SLC24A2: variants seen among roughly 807,000 people sequenced by gnomAD.
SLC24A2 encodes solute carrier family 24 member 2.
A neutral mutation model predicts 62.0 loss-of-function variants in SLC24A2; 36 were observed. The ratio of observed to expected loss-of-function variants is 0.58; its 90% CI spans 0.44 to 0.77. The LOEUF (loss-of-function observed/expected upper bound fraction) is 0.77. Ranked by LOEUF, SLC24A2 falls within the 30% of genes least tolerant of loss-of-function variation. SLC24A2 has a pLI of 0.00. For missense variants in SLC24A2, 846 were observed against 817.9 expected (o/e 1.03, Z -0.42); for synonymous variants, 358 against 294.0 (o/e 1.22, Z -2.23).
chr9:19,908,314 C>T, the SLC24A2 span, among the ~76,000 whole-genome samples: 1 of 152,138 alleles, frequency 6.6e-6, no homozygotes, highest in African/African-American at 2.4e-5. Flanking sequence ...CCCTTCCTTA[C>T]ACCTTATACA....
chr9:20,205,663 AAAAAAAAAAAACAAAC>A, the SLC24A2 span, among the ~76,000 whole-genome samples: 2 of 151,140 alleles, frequency 1.3e-5, no homozygotes, highest in African/African-American at 4.9e-5. Flanking sequence ...AAAAAAAAAA[AAAAAAAAAAAACAAAC>A]AAAAAAACGT....
At chr9:20,142,261 C>T in the SLC24A2 span, among the ~76,000 whole-genome samples, 7 of 152,114 alleles carry the variant, frequency 4.6e-5, no homozygotes, top group Admixed American at 4.6e-4. Context: ...TAGTAACACC[C>T]ATGAAGTACT....
At chr9:19,898,976 C>T in the SLC24A2 span, among the ~76,000 whole-genome samples, 1 of 152,144 alleles carries the variant, frequency 6.6e-6, no homozygotes, top group Non-Finnish European at 1.5e-5. Flanking sequence ...TCTGTCCTAG[C>T]AGCAAGCCTG....
the SLC24A2 span, among the ~76,000 whole-genome samples, chr9:20,236,962 G>C: frequency 2.0e-5 from 3 of 151,836 alleles, no homozygotes; most frequent in East Asian, 5.8e-4. Context: ...ATCAATGAAG[G>C]ATGGAGGGGG....
chr9:19,982,932 G>A, the SLC24A2 span, among the ~76,000 whole-genome samples: 6 of 152,120 alleles, frequency 3.9e-5, no homozygotes, highest in Admixed American at 2.6e-4. Flanking sequence ...ACTTCATGAT[G>A]TGGAAAAAAG....
chr9:20,135,711 C>T, the SLC24A2 span, among the ~76,000 whole-genome samples: 1 of 151,930 alleles, frequency 6.6e-6, no homozygotes, highest in Non-Finnish European at 1.5e-5. Flanking sequence ...ATTATGTGCT[C>T]GAACTAGTTT....
intron 2 of SLC24A2, among the ~76,000 whole-genome samples, chr9:19,778,708 T>C (rs1822918632): frequency 6.6e-6 from 1 of 152,128 alleles, no homozygotes; most frequent in Non-Finnish European, 1.5e-5. Flanking sequence ...AGAGCAATCC[T>C]CTCTGGAGGA....
the SLC24A2 span, among the ~76,000 whole-genome samples, chr9:19,973,898 A>G: frequency 6.6e-6 from 1 of 152,210 alleles, no homozygotes; most frequent in African/African-American, 2.4e-5. Flanking sequence ...TTGACTAGCT[A>G]AATGTTTGCA....
At chr9:19,812,479 A>G in the SLC24A2 span, among the ~76,000 whole-genome samples, 3 of 152,082 alleles carry the variant, frequency 2.0e-5, no homozygotes, top group Non-Finnish European at 2.9e-5. Context: ...TCTTACTTTC[A>G]GGTATTATGT....
chr9:19,982,308 G>A, the SLC24A2 span, among the ~76,000 whole-genome samples: 1 of 152,134 alleles, frequency 6.6e-6, no homozygotes, highest in Non-Finnish European at 1.5e-5. Flanking sequence ...GTTTGTTGGC[G>A]GAGGAGAAAT....
chr9:19,903,902 C>A, the SLC24A2 span, among the ~76,000 whole-genome samples: 1 of 152,124 alleles, frequency 6.6e-6, no homozygotes, highest in Non-Finnish European at 1.5e-5. Context: ...AGTAGGTGCA[C>A]AGAATGCCAG....
At chr9:20,283,457 C>A in the SLC24A2 span, among the ~76,000 whole-genome samples, 1 of 152,146 alleles carries the variant, frequency 6.6e-6, no homozygotes, top group Non-Finnish European at 1.5e-5. Flanking sequence ...CGGGCCTCTG[C>A]AGATTCCAGA....
At chr9:20,100,007 C>T in the SLC24A2 span, among the ~76,000 whole-genome samples, 1 of 151,766 alleles carries the variant, frequency 6.6e-6, no homozygotes, top group East Asian at 1.9e-4. Flanking sequence ...ATATCCTTTT[C>T]TTCTCCTATT....
the SLC24A2 span, among the ~76,000 whole-genome samples, chr9:20,107,820 G>T: frequency 6.6e-6 from 1 of 152,048 alleles, no homozygotes; most frequent in Non-Finnish European, 1.5e-5. Flanking sequence ...AAAAGCAATG[G>T]CAACAAAAGC....
At chr9:19,567,677 T>G (rs1160478094) in intron 7 of SLC24A2, among the ~76,000 whole-genome samples, 1 of 135,978 alleles carries the variant, frequency 7.4e-6, no homozygotes, top group Non-Finnish European at 1.5e-5. Context: ...TGCTAGTAAA[T>G]TTTTAAAATA....
chr9:19,769,129 A>AAT (rs2118884942), intron 2 of SLC24A2, among the ~76,000 whole-genome samples: 1 of 152,112 alleles, frequency 6.6e-6, no homozygotes, highest in South Asian at 2.1e-4. Context: ...TCTACTTGAA[A>AAT]CCCACTCCTC....
chr9:19,647,678 C>T (rs1818683835), intron 2 of SLC24A2, among the ~76,000 whole-genome samples: 1 of 152,144 alleles, frequency 6.6e-6, no homozygotes, highest in African/African-American at 2.4e-5. Flanking sequence ...GATGTATTAC[C>T]AGTAGGAAAG....
At chr9:19,748,859 T>C (rs1331257856) in intron 2 of SLC24A2, among the ~76,000 whole-genome samples, 1 of 151,850 alleles carries the variant, frequency 6.6e-6, no homozygotes, top group Admixed American at 6.6e-5. Context: ...CCCTTCTTTG[T>C]TTCAAATGGA....
At chr9:20,062,728 T>A in the SLC24A2 span, among the ~76,000 whole-genome samples, 2 of 119,024 alleles carry the variant, frequency 1.7e-5, 1 homozygote, top group African/African-American at 7.0e-5. Context: ...GAGAAAATTT[T>A]CACAACCTAC....
Sources: allele counts gnomAD v4.1 joint callset (sites outside exome capture counted in the v4.1 genomes callset), GRCh38; gene constraint gnomAD v4.1.1; transcripts MANE v1.5; gene names NCBI Gene and HGNC (gene_info 2026-07-23, HGNC 2026-07-21).